The following CAMTA1 variants were observed in gnomAD, a reference collection of about 807,000 sequenced individuals.
CAMTA1 encodes the protein calmodulin-binding transcription activator 1.
A neutral mutation model predicts 170.9 loss-of-function variants in CAMTA1; 27 were observed. That is an observed-to-expected ratio of 0.16 (90% confidence interval 0.12 to 0.22). The LOEUF is 0.22. Ranked by LOEUF, CAMTA1 falls within the 10% of genes least tolerant of loss-of-function variation. The pLI is 1.00. For missense variants in CAMTA1, 1,619 were observed against 2,217.2 expected (o/e 0.73, Z 5.42); for synonymous variants, 833 against 891.5 (o/e 0.93, Z 1.17).
At chr1:7,499,949 TGG>T (rs2093955018) in intron 6 of CAMTA1, among the ~76,000 whole-genome samples, 1 of 141,270 alleles carries the variant, frequency 7.1e-6, no homozygotes, top group African/African-American at 2.7e-5. Context: ...GATGAGTGTG[TGG>T]AGAGGACTGT....
intron 2 of CAMTA1, among the ~76,000 whole-genome samples, chr1:6,821,514 G>T (rs1328667434): frequency 6.6e-6 from 1 of 152,070 alleles, no homozygotes; most frequent in Non-Finnish European, 1.5e-5. Context: ...GTTGATCAAA[G>T]ATATTCCCAA....
intron 4 of CAMTA1, among the ~76,000 whole-genome samples, chr1:7,199,635 C>T (rs1207972686): frequency 6.6e-6 from 1 of 151,966 alleles, no homozygotes; most frequent in Non-Finnish European, 1.5e-5. Flanking sequence ...CCAGGGAACC[C>T]AGCCGTGTGC....
At chr1:7,192,581 C>T (rs565753172) in intron 4 of CAMTA1, among the ~76,000 whole-genome samples, 9 of 152,238 alleles carry the variant, frequency 5.9e-5, no homozygotes, top group East Asian at 1.9e-4. Flanking sequence ...TGCTTGTGGC[C>T]GCTGCTAGCC....
chr1:7,368,064 G>A (rs550672352), intron 5 of CAMTA1, among the ~76,000 whole-genome samples: 136 of 142,592 alleles, frequency 9.5e-4, no homozygotes, highest in South Asian at 6.1e-3. Context: ...TTCATTGGGC[G>A]CAGACATTGG....
intron 5 of CAMTA1, among the ~76,000 whole-genome samples, chr1:7,280,012 G>A (rs1381342794): frequency 1.3e-5 from 2 of 152,022 alleles, no homozygotes; most frequent in Non-Finnish European, 2.9e-5. Flanking sequence ...CAGGGAAGGA[G>A]CCTGCTCGTT....
chr1:7,076,573 T>C lies in CAMTA1; in HGVS notation c.235-14731T>C, dbSNP rs145581530. 5.6e-3 allele frequency among the ~76,000 whole-genome samples: 858 copies of C among 152,336 alleles called. 2 individuals carry two copies. The highest frequency in any genetic ancestry group is 0.037 in the Middle Eastern group (11 of 294). On this transcript the variant is annotated intron_variant, in intron 3 of 22. Coordinates refer to ENST00000303635, the MANE Select transcript of CAMTA1 (RefSeq NM_015215.4). Reference sequence around the variant, plus strand: ...CATCTGGTTAAAGGGAAGACTGATATAGACTTATCAGTGGTCAGTTTTTTT... The same window carrying C: ...CATCTGGTTAAAGGGAAGACTGATACAGACTTATCAGTGGTCAGTTTTTTT...
At chr1:7,089,002 C>T (rs545233129) in intron 3 of CAMTA1, among the ~76,000 whole-genome samples, 12 of 152,252 alleles carry the variant, frequency 7.9e-5, no homozygotes, top group African/African-American at 1.4e-4. Flanking sequence ...TGGTGCTGTC[C>T]GGGGTGGTGG....
intron 2 of CAMTA1, among the ~76,000 whole-genome samples, chr1:6,820,659 G>A (rs1334621373): frequency 2.0e-5 from 3 of 152,096 alleles, no homozygotes; most frequent in Non-Finnish European, 2.9e-5. Context: ...AAATTAATCT[G>A]AGCCTCATGT....
chr1:7,655,259 CAG>C (rs1387456810), intron 7 of CAMTA1, among the ~76,000 whole-genome samples: 1 of 145,186 alleles, frequency 6.9e-6, no homozygotes, highest in Non-Finnish European at 1.5e-5. Flanking sequence ...CCTATACACA[CAG>C]ACCCACCTAT....
At chr1:7,001,973 T>C (rs1396033608) in intron 3 of CAMTA1, among the ~76,000 whole-genome samples, 1 of 149,672 alleles carries the variant, frequency 6.7e-6, no homozygotes, top group Admixed American at 6.7e-5. Context: ...CTCAGCTCAC[T>C]GCAACCTCCG....
chr1:7,359,358 G>A lies in CAMTA1; in HGVS notation c.439-108472G>A, dbSNP rs930643802. Among the ~76,000 whole-genome samples, 7 of 152,108 alleles carry A rather than the reference G, an allele frequency of 4.6e-5. No individual in the cohort carries two copies. In the South Asian group the frequency reaches 6.2e-4, roughly 14 times the overall value. ...CATTCCCAGTACAGAGAAGGCAATC[G>A]CTGGCCTCACCAAACTGTGCTCTGG... On this transcript the variant is annotated intron_variant, in intron 5 of 22. Coordinates refer to ENST00000303635, the MANE Select transcript of CAMTA1 (RefSeq NM_015215.4).
rs756072194 is a variant in CAMTA1 at position 7,670,994 on chromosome 1, T to C, written c.2736T>C (p.Pro912=). 1 of 1,613,748 alleles carries C rather than the reference T, an allele frequency of 6.2e-7. No individual in the cohort carries two copies. The highest frequency in any genetic ancestry group is 8.5e-7 in the Non-Finnish European group (1 of 1,179,968). The change falls in exon 10 of 23, where the codon CCT becomes CCC. Residue 912 remains proline, a synonymous_variant. Coordinates refer to ENST00000303635, the MANE Select transcript of CAMTA1 (RefSeq NM_015215.4). ...GCCTGTTTGACCAGATCTCAGTGCC[T>C]GCATCCCTGATTCAGCCTGGGGTGC... The part of the protein sequence containing the change: ...YSCLFDQISV[P]ASLIQPGVLR...
intron 3 of CAMTA1, among the ~76,000 whole-genome samples, chr1:6,989,042 G>A (rs1211388523): frequency 1.3e-5 from 2 of 152,194 alleles, no homozygotes; most frequent in African/African-American, 4.8e-5. Context: ...TTTCCCCTTT[G>A]ATAAGGCAGG....
chr1:7,078,712 T>A (rs1258541610), intron 3 of CAMTA1, among the ~76,000 whole-genome samples: 4 of 152,240 alleles, frequency 2.6e-5, no homozygotes. Flanking sequence ...ATAAATATTT[T>A]CAGCTATTAG....
intron 5 of CAMTA1, among the ~76,000 whole-genome samples, chr1:7,418,405 C>A (rs1018333327): frequency 6.6e-6 from 1 of 152,112 alleles, no homozygotes; most frequent in Non-Finnish European, 1.5e-5. Context: ...CGCCATGTTG[C>A]CCAGGCTTGT....
At position 7,663,304 on chromosome 1, in the gene CAMTA1, A is replaced by G. The variant is rs772822731; in HGVS notation, c.806-49A>G. ...CTTTTGTGTGTGCATGTGTGTGTGC[A>G]CATGTGTGCCTGCGTGTGCGTGCGC... On this transcript the variant is annotated intron_variant, in intron 8 of 22. Coordinates refer to ENST00000303635, the MANE Select transcript of CAMTA1 (RefSeq NM_015215.4). 86 of 1,512,220 alleles carry G rather than the reference A, an allele frequency of 5.7e-5. No homozygotes were observed. The South Asian group carries it at 1.1e-3, about 20-fold the overall frequency. The allele number at this position is 1,512,220 out of a possible 1,614,324, so 93.7% of individuals were successfully genotyped here.
At chr1:6,858,320 A>G (rs1051874875) in intron 3 of CAMTA1, among the ~76,000 whole-genome samples, 16 of 152,176 alleles carry the variant, frequency 1.1e-4, no homozygotes, top group Non-Finnish European at 1.9e-4. Flanking sequence ...CCTTAGGGAC[A>G]TTACCCACTT....
At chr1:7,256,283 G>GGC (rs1460923638) in intron 5 of CAMTA1, among the ~76,000 whole-genome samples, 3 of 151,690 alleles carry the variant, frequency 2.0e-5, no homozygotes, top group Non-Finnish European at 4.4e-5. Flanking sequence ...CCCTAGGCCG[G>GGC]GCACGGTGGC....
At position 7,634,827 on chromosome 1, in the gene CAMTA1, G is replaced by A. The variant is rs1253205292; in HGVS notation, c.511-5573G>A. On this transcript the variant is annotated intron_variant, in intron 6 of 22. Coordinates refer to ENST00000303635, the MANE Select transcript of CAMTA1 (RefSeq NM_015215.4). The surrounding 1 kb of genome is among the most constrained non-coding windows in gnomAD (Gnocchi z 6.2). ...TGGTGGTTGGTGGTGGTAGAGCGGG[G>A]CCTCTGTCTCTCCTGACGACATTCC... is the stretch of plus-strand genomic sequence containing the variant. Among the ~76,000 whole-genome samples the A allele has an allele frequency of 2.6e-5, 4 of 152,100 alleles. No individual in the cohort carries two copies. Among genetic ancestry groups the A allele is most frequent in the African/African-American group, 4.8e-5 (2 of 41,404 alleles).
Sources: allele counts gnomAD v4.1 joint callset (sites outside exome capture counted in the v4.1 genomes callset), GRCh38; gene constraint gnomAD v4.1.1; non-coding constraint Gnocchi (gnomAD v3.1); transcripts MANE v1.5; gene names NCBI Gene and HGNC (gene_info 2026-07-23, HGNC 2026-07-21).